The following SNX29 variants were observed in gnomAD, a reference collection of about 807,000 sequenced individuals.
SNX29 encodes the protein sorting nexin-29.
Under a neutral mutation model 102.1 loss-of-function variants are expected in SNX29, and 78 were observed. The ratio of observed to expected loss-of-function variants is 0.76; its 90% CI spans 0.64 to 0.92. The LOEUF is 0.92. SNX29 is among the 40% of genes least tolerant of loss of function. SNX29 has a pLI of 0.00. For missense variants in SNX29, 1,280 were observed against 1,061.7 expected (o/e 1.21, Z -2.86); for synonymous variants, 580 against 414.5 (o/e 1.40, Z -4.85).
rs1341529927 is a variant in SNX29 at position 12,371,195 on chromosome 16, A to G, written c.1899+14916A>G. Among the ~76,000 whole-genome samples, 5 of 152,304 alleles carry G rather than the reference A, an allele frequency of 3.3e-5. No homozygotes were observed. In the East Asian group the frequency reaches 9.7e-4, roughly 29 times the overall value. On this transcript the variant is annotated intron_variant, in intron 16 of 20. Coordinates refer to ENST00000566228, the MANE Select transcript of SNX29 (RefSeq NM_032167.5). ...TTGGGGATCAGCCAAGGCTTTTGAT[A>G]AAGTTGGAAGAACTTCAAGCTCCTT... is the stretch of plus-strand genomic sequence containing the variant.
intron 14 of SNX29, among the ~76,000 whole-genome samples, chr16:12,252,084 A>C (rs2078438328): frequency 6.6e-6 from 1 of 152,174 alleles, no homozygotes; most frequent in African/African-American, 2.4e-5. Flanking sequence ...CCTTGCAAGA[A>C]AATCACAGTA....
intron 16 of SNX29, among the ~76,000 whole-genome samples, chr16:12,370,859 A>G (rs957504573): frequency 2.0e-5 from 3 of 152,168 alleles, no homozygotes; most frequent in Non-Finnish European, 2.9e-5. Context: ...TTAGATGGGA[A>G]TAGATATGTT....
In SNX29 at chr16:12,567,709, T is replaced by C. The variant is rs145688068; in HGVS notation, c.2319-797T>C. Among the ~76,000 whole-genome samples, 97 of 152,278 alleles carry C rather than the reference T, an allele frequency of 6.4e-4. 1 individual carries two copies. Among genetic ancestry groups the C allele is most frequent in the African/African-American group, 2.2e-3 (92 of 41,566 alleles). ...CCCAGGAGATCGAGGCTGCAGCAAG[T>C]TATCATTACACGATTGCACTGTAAA... is the stretch of plus-strand genomic sequence containing the variant. On this transcript the variant is annotated intron_variant, in intron 20 of 20. Transcript: ENST00000566228.
intron 13 of SNX29, among the ~76,000 whole-genome samples, chr16:12,152,306 G>C (rs1215556670): frequency 1.3e-5 from 2 of 152,094 alleles, no homozygotes; most frequent in Non-Finnish European, 2.9e-5. Context: ...GTTAAGAGGT[G>C]GTACCAAGCA....
At position 12,356,245 on chromosome 16, in the gene SNX29, A is replaced by G. The variant is rs1333606481; in HGVS notation, c.1865A>G (p.Gln622Arg). 3 of 1,612,226 alleles carry G rather than the reference A, an allele frequency of 1.9e-6. No individual in the cohort carries two copies. ...GTAGCCAAGGAAGCCCTCGTGTCCC[A>G]GATGAGGCAGGAGCTCATCGATCTC... ...ALVAKEALVSQMRQELIDLRG... is the reference protein window; with the variant it reads ...ALVAKEALVSRMRQELIDLRG... The change falls in exon 16 of 21, where the codon CAG becomes CGG. Residue 622 changes from glutamine to arginine, a missense_variant. Coordinates refer to ENST00000566228, the MANE Select transcript of SNX29 (RefSeq NM_032167.5).
At chr16:12,567,662 T>A (rs140459575) in intron 20 of SNX29, among the ~76,000 whole-genome samples, 1 of 152,232 alleles carries the variant, frequency 6.6e-6, no homozygotes, top group African/African-American at 2.4e-5. Context: ...CTCAGGAGGC[T>A]GAGGTGAGAG....
At chr16:12,505,735 G>A (rs867589082) in intron 19 of SNX29, among the ~76,000 whole-genome samples, 42 of 84,410 alleles carry the variant, frequency 5.0e-4, no homozygotes, top group African/African-American at 1.7e-3. Context: ...GTTTTTATAT[G>A]AATTTTTGGA....
At chr16:12,128,612 C>A (rs2054322147) in intron 12 of SNX29, among the ~76,000 whole-genome samples, 1 of 152,068 alleles carries the variant, frequency 6.6e-6, no homozygotes, top group African/African-American at 2.4e-5. Context: ...ACTACCACAC[C>A]TGAGTAATTT....
chr16:12,031,646 A>C (rs2057348143), intron 4 of SNX29, among the ~76,000 whole-genome samples: 1 of 151,968 alleles, frequency 6.6e-6, no homozygotes, highest in Non-Finnish European at 1.5e-5. Context: ...TCTACTAAAA[A>C]TACAAAAAAT....
intron 13 of SNX29, among the ~76,000 whole-genome samples, chr16:12,160,358 C>T (rs192915750): frequency 3.7e-4 from 56 of 152,338 alleles, no homozygotes; most frequent in African/African-American, 1.3e-3. Flanking sequence ...AGTCTATCCC[C>T]TTGGTTACAT....
intron 18 of SNX29, among the ~76,000 whole-genome samples, chr16:12,472,148 T>C (rs987019449): frequency 1.3e-5 from 2 of 152,192 alleles, no homozygotes; most frequent in Non-Finnish European, 2.9e-5. Context: ...GAAACACAGC[T>C]GCATCTCACG....
At chr16:12,316,031 T>C (rs2080722310) in intron 15 of SNX29, among the ~76,000 whole-genome samples, 1 of 152,168 alleles carries the variant, frequency 6.6e-6, no homozygotes. Context: ...AGCTGAGTGC[T>C]CCGAAGAAGG....
chr16:12,068,985 TTG>T (rs1016822109), intron 9 of SNX29, 70 bp from the exon 10 acceptor site: 41 of 1,427,738 alleles, frequency 2.9e-5, no homozygotes, highest in Non-Finnish European at 3.7e-5. Context: ...AATGTCTGCA[TTG>T]TGTCTTTGTC....
chr16:12,128,234 A>G (rs2054302690), intron 12 of SNX29, among the ~76,000 whole-genome samples: 2 of 152,238 alleles, frequency 1.3e-5, no homozygotes, highest in Admixed American at 1.3e-4. Context: ...TTATCTTGGA[A>G]GAAGCCATAG....
Position 12,108,966 on chromosome 16 carries a change from A to G in SNX29, c.1403-17667A>G, listed in dbSNP as rs566600737. 1.3e-4 allele frequency among the ~76,000 whole-genome samples: 19 copies of G among 151,934 alleles called. No homozygotes were observed. In the East Asian group the frequency reaches 3.7e-3, roughly 29 times the overall value. On this transcript the variant is annotated intron_variant, in intron 11 of 20. Transcript: ENST00000566228. ...AAGATGGTAAAATCCCGTCTCTACT[A>G]AAAATACAAAAATTAGCTGGGTGCT...
intron 11 of SNX29, among the ~76,000 whole-genome samples, chr16:12,118,261 T>G (rs1301092944): frequency 6.6e-6 from 1 of 151,112 alleles, no homozygotes; most frequent in Non-Finnish European, 1.5e-5. Context: ...AAAGCTAAAG[T>G]GCTCATGATG....
chr16:12,316,387 A>G (rs1018035122), intron 15 of SNX29, among the ~76,000 whole-genome samples: 6 of 152,198 alleles, frequency 3.9e-5, no homozygotes, highest in Non-Finnish European at 5.9e-5. Flanking sequence ...TATTAAAAAT[A>G]CAAAAATTAG....
intron 11 of SNX29, among the ~76,000 whole-genome samples, chr16:12,107,338 GTTTTT>G (rs34594204): frequency 2.9e-5 from 4 of 137,270 alleles, no homozygotes; most frequent in East Asian, 4.2e-4. Context: ...AGCACTGTGG[GTTTTT>G]TTTTTTTTTT....
At position 12,359,043 on chromosome 16, in the gene SNX29, G is replaced by A. The variant is rs565719815; in HGVS notation, c.1899+2764G>A. Reference sequence around the variant, plus strand: ...ACCCAAGAAGGGGGTTGTGAGATCCGCATTTTATTGCTAGTGAGTCAGAAG... The same window carrying A: ...ACCCAAGAAGGGGGTTGTGAGATCCACATTTTATTGCTAGTGAGTCAGAAG... On this transcript the variant is annotated intron_variant, in intron 16 of 20. Transcript: ENST00000566228. 3.2e-4 allele frequency among the ~76,000 whole-genome samples: 49 copies of A among 152,334 alleles called. No homozygotes were observed. The South Asian group carries it at 9.9e-3, about 31-fold the overall frequency.
Sources: allele counts gnomAD v4.1 joint callset (sites outside exome capture counted in the v4.1 genomes callset), GRCh38; gene constraint gnomAD v4.1.1; transcripts MANE v1.5; gene names NCBI Gene and HGNC (gene_info 2026-07-23, HGNC 2026-07-21).